Variants in CFAP77 observed in about 807,000 individuals in gnomAD.
The protein encoded by CFAP77 is cilia- and flagella-associated protein 77.
A neutral mutation model predicts 31.1 loss-of-function variants in CFAP77; 25 were observed. The observed-to-expected ratio is 0.80, with a 90% CI of 0.59 to 1.12. The LOEUF (loss-of-function observed/expected upper bound fraction) is 1.12, where lower values mean the gene tolerates loss of function less well. Among genes scored for constraint, CFAP77 ranks in the 50% most tolerant of loss-of-function variants. The probability of loss-of-function intolerance (pLI) is 0.00; values close to 1 mark genes in which losing one functional copy is unlikely to be tolerated. For synonymous variants in CFAP77, 151 were observed against 159.9 expected (o/e 0.94, Z 0.42); for missense variants, 377 against 397.3 (o/e 0.95, Z 0.44).
rs970721634 is a variant in CFAP77 at position 132,416,109 on chromosome 9, G to A, written c.195+5643G>A. ...GGACTTTGGGCTGAGCGAATCCCTT[G>A]GAGTAGGACAGTGTGCTGAGGGCTT... On this transcript the variant is annotated intron_variant, in intron 1 of 5. Coordinates refer to ENST00000393216, the MANE Select transcript of CFAP77 (RefSeq NM_001282957.2). Among the ~76,000 whole-genome samples the A allele has an allele frequency of 1.3e-5, 2 of 151,956 alleles. 1 individual carries two copies.
intron 5 of CFAP77, among the ~76,000 whole-genome samples, chr9:132,544,799 T>G (rs1335073386): frequency 6.6e-6 from 1 of 152,164 alleles, no homozygotes; most frequent in Non-Finnish European, 1.5e-5. Flanking sequence ...CTCAGCTACC[T>G]CCCTGCTCCT....
chr9:132,551,719 C>T (rs1275672105), intron 5 of CFAP77, among the ~76,000 whole-genome samples: 5 of 152,222 alleles, frequency 3.3e-5, no homozygotes, highest in African/African-American at 1.2e-4. Flanking sequence ...CTTAAAGTCA[C>T]GTGCCCAAGG....
chr9:132,495,118 C>A lies in CFAP77; in HGVS notation c.196-3577C>A, dbSNP rs373452599. On this transcript the variant is annotated intron_variant, in intron 1 of 5. Coordinates refer to ENST00000393216, the MANE Select transcript of CFAP77 (RefSeq NM_001282957.2). This position sits in a 1 kb window ranked among gnomAD's most constrained non-coding sequence, Gnocchi z 4.2. ...ACCCTAGAACTTCCAGCACAGAGGGCTTAGCGCTGAGTGGGTACAAAATAA... is the reference window on the plus strand; with the variant it reads ...ACCCTAGAACTTCCAGCACAGAGGGATTAGCGCTGAGTGGGTACAAAATAA... 2.0e-5 allele frequency among the ~76,000 whole-genome samples: 3 copies of A among 152,120 alleles called. No individual in the cohort carries two copies. The highest frequency in any genetic ancestry group is 6.5e-5 in the Admixed American group (1 of 15,278).
chr9:132,493,250 G>A (rs1490623649), intron 1 of CFAP77, among the ~76,000 whole-genome samples: 3 of 152,188 alleles, frequency 2.0e-5, no homozygotes, highest in Non-Finnish European at 2.9e-5. Context: ...TTCCTGGGAA[G>A]TTCCACTTCA....
intron 5 of CFAP77, among the ~76,000 whole-genome samples, chr9:132,560,837 T>C (rs1852983669): frequency 6.6e-6 from 1 of 152,110 alleles, no homozygotes; most frequent in South Asian, 2.1e-4. Context: ...GCCGGTGCCA[T>C]TTGAGAACCT....
chr9:132,545,579 T>TG lies in CFAP77; in HGVS notation c.732+2536dup, dbSNP rs1852717562. The stretch of plus-strand genomic sequence containing the variant: ...GCCAGAAACCTGGGGCCAAGGGAAA[T>TG]GGGGAATTGTGCCGGGTTCATCCCT... On this transcript the variant is annotated intron_variant, in intron 5 of 5. Transcript: ENST00000393216. The surrounding 1 kb of genome is among the most constrained non-coding windows in gnomAD (Gnocchi z 4.6). Among the ~76,000 whole-genome samples, 2 of 152,170 alleles carry TG rather than the reference T, an allele frequency of 1.3e-5. No homozygotes were observed. The highest frequency in any genetic ancestry group is 4.8e-5 in the African/African-American group (2 of 41,428).
chr9:132,513,240 T>C (rs2118998745), intron 3 of CFAP77: 3 of 1,543,222 alleles, frequency 1.9e-6, no homozygotes, highest in South Asian at 2.4e-5. Flanking sequence ...TAACCAATCC[T>C]TTCTTTTGTG....
intron 3 of CFAP77, among the ~76,000 whole-genome samples, chr9:132,503,376 A>T (rs1851886529): frequency 6.6e-6 from 1 of 152,166 alleles, no homozygotes; most frequent in Admixed American, 6.5e-5. Flanking sequence ...CTGGTGACCA[A>T]GTGTCACAAA....
intron 1 of CFAP77, chr9:132,482,381 T>C: frequency 6.2e-7 from 1 of 1,614,016 alleles, no homozygotes; most frequent in East Asian, 2.2e-5. Context: ...AAGTTATTCC[T>C]TCCCTTGCTG....
chr9:132,538,593 A>G (rs745526447), intron 4 of CFAP77, among the ~76,000 whole-genome samples: 5 of 152,122 alleles, frequency 3.3e-5, no homozygotes, highest in African/African-American at 1.2e-4. Flanking sequence ...CCTGGCCAAC[A>G]TGGTGAAACT....
At chr9:132,540,739 G>A (rs778401107) in intron 4 of CFAP77, among the ~76,000 whole-genome samples, 15 of 152,182 alleles carry the variant, frequency 9.9e-5, no homozygotes, top group East Asian at 1.9e-4. Context: ...GGGAAACTTC[G>A]CAAGGCCTGT....
At chr9:132,482,965 A>AAG (rs1851474774) in intron 1 of CFAP77, among the ~76,000 whole-genome samples, 1 of 148,802 alleles carries the variant, frequency 6.7e-6, no homozygotes, top group Non-Finnish European at 1.5e-5. Flanking sequence ...TAATTTAAAA[A>AAG]AAAAAAAAAG....
intron 3 of CFAP77, among the ~76,000 whole-genome samples, chr9:132,504,594 GCTTTAT>G (rs1481208717): frequency 6.6e-6 from 1 of 152,228 alleles, no homozygotes; most frequent in Non-Finnish European, 1.5e-5. Context: ...TGGCCATAAA[GCTTTAT>G]CTTTATCAAC....
chr9:132,506,797 A>G (rs1409573521), intron 3 of CFAP77, among the ~76,000 whole-genome samples: 3 of 152,142 alleles, frequency 2.0e-5, no homozygotes, highest in African/African-American at 7.2e-5. Flanking sequence ...ACAAGGTTGG[A>G]ATGCTTCTAT....
At chr9:132,418,050 CTTAT>C (rs543822023) in intron 1 of CFAP77, among the ~76,000 whole-genome samples, 82 of 152,296 alleles carry the variant, frequency 5.4e-4, no homozygotes, top group African/African-American at 1.9e-3. Context: ...CCTGGGTTTC[CTTAT>C]TTGGAGAGTC....
At chr9:132,566,393 G>A (rs951130735) in intron 5 of CFAP77, among the ~76,000 whole-genome samples, 4 of 152,272 alleles carry the variant, frequency 2.6e-5, no homozygotes, top group East Asian at 1.9e-4. Context: ...CGATGGTGCC[G>A]GCCTCCTCCG....
In CFAP77 at chr9:132,498,530, C is replaced by T. The variant is rs371476630; in HGVS notation, c.196-165C>T. Among the ~76,000 whole-genome samples the T allele has an allele frequency of 4.5e-4, 68 of 152,238 alleles. No individual in the cohort carries two copies. The highest frequency in any genetic ancestry group is 1.6e-3 in the African/African-American group (67 of 41,542). ...GTGACCCTGTGCCAGCCACAGCCTG[C>T]GCTCCTCCCAGGGAGGGCTCTGCCA... On this transcript the variant is annotated intron_variant, in intron 1 of 5. Coordinates refer to ENST00000393216, the MANE Select transcript of CFAP77 (RefSeq NM_001282957.2). The surrounding 1 kb of genome is among the most constrained non-coding windows in gnomAD (Gnocchi z 4.2).
intron 1 of CFAP77, among the ~76,000 whole-genome samples, chr9:132,474,580 CA>C (rs1446039488): frequency 1.4e-4 from 21 of 151,716 alleles, no homozygotes; most frequent in South Asian, 1.0e-3. Flanking sequence ...CCCTTAGGAC[CA>C]GGGGGGGAAT....
chr9:132,465,963 G>A (rs1405232242), intron 1 of CFAP77, among the ~76,000 whole-genome samples: 2 of 152,268 alleles, frequency 1.3e-5, no homozygotes, highest in Middle Eastern at 3.4e-3. Flanking sequence ...AGAACATTTT[G>A]GTCTGCCTTT....
Sources: gnomAD v4.1 joint callset for allele counts (sites outside exome capture counted in the v4.1 genomes callset) on GRCh38, gnomAD v4.1.1 for gene constraint, Gnocchi (gnomAD v3.1) non-coding constraint, MANE v1.5 for transcripts, NCBI Gene and HGNC (gene_info 2026-07-23, HGNC 2026-07-21) for gene names.